Variants in LDLRAD1 observed in about 807,000 individuals in gnomAD.
LDLRAD1 encodes low-density lipoprotein receptor class A domain-containing protein 1.
LDLRAD1 carries 17 observed loss-of-function variants against 24.8 expected under a neutral mutation model. The observed-to-expected ratio is 0.69, with a 90% CI of 0.47 to 1.03. The LOEUF (loss-of-function observed/expected upper bound fraction) is 1.03, where lower values mean the gene tolerates loss of function less well. Ranked by LOEUF, LDLRAD1 falls within the 50% of genes least tolerant of loss-of-function variation. LDLRAD1 has a pLI of 0.00. For missense variants in LDLRAD1, 277 were observed against 271.0 expected (o/e 1.02, Z -0.16); for synonymous variants, 103 against 108.2 (o/e 0.95, Z 0.30).
intron 3 of LDLRAD1, among the ~76,000 whole-genome samples, chr1:54,014,009 G>A (rs969110114): frequency 2.6e-5 from 4 of 152,108 alleles, no homozygotes; most frequent in African/African-American, 9.7e-5. Context: ...GGTGACATCA[G>A]AGCTGGGTCC....
At chr1:54,012,389 G>A in intron 3 of LDLRAD1, 109 bp from the exon 4 acceptor site, 2 of 1,200,224 alleles carry the variant, frequency 1.7e-6, no homozygotes, top group Non-Finnish European at 1.2e-6. Context: ...GGGCAGTGGG[G>A]AGGATGGACC....
At chr1:54,011,230 CAT>C (rs1656036307) in intron 4 of LDLRAD1, among the ~76,000 whole-genome samples, 1 of 152,178 alleles carries the variant, frequency 6.6e-6, no homozygotes, top group Non-Finnish European at 1.5e-5. Flanking sequence ...GCAGCACCAC[CAT>C]CATGGCAGAA....
chr1:54,009,071 A>G lies in LDLRAD1; in HGVS notation c.529T>C (p.Tyr177His). 1.2e-6 allele frequency: 2 copies of G among 1,613,972 alleles called. No homozygotes were observed. The highest frequency in any genetic ancestry group is 1.7e-6 in the Non-Finnish European group (2 of 1,179,960). Residue 177 changes from tyrosine to histidine, a missense_variant, in exon 6 of 6, where the codon TAC becomes CAC. Transcript: ENST00000371360. ...WWRCPSTFFK[Y>H]CDCIPRHLCR... ...AGATGCCTCGGTATACAGTCGCAGT[A>G]CTTGAAGAAGGTTGAAGGACAGCGC...
chr1:54,010,551 G>T, intron 4 of LDLRAD1, 141 bp from the exon 5 acceptor site: 1 of 752,944 alleles, frequency 1.3e-6, no homozygotes, highest in Non-Finnish European at 2.1e-6. Context: ...GCAAGCAGAA[G>T]GTTTCCTGGG....
chr1:54,014,779 T>C (rs1656229656), intron 2 of LDLRAD1, among the ~76,000 whole-genome samples: 1 of 152,190 alleles, frequency 6.6e-6, no homozygotes, highest in Non-Finnish European at 1.5e-5. Flanking sequence ...AAACTAGGGC[T>C]CAGGAAGAAA....
At chr1:54,014,726 C>T (rs1216272776) in intron 2 of LDLRAD1, among the ~76,000 whole-genome samples, 4 of 152,188 alleles carry the variant, frequency 2.6e-5, no homozygotes, top group Admixed American at 1.3e-4. Flanking sequence ...CCTTCATAAG[C>T]GTGCTTTATT....
intron 4 of LDLRAD1, among the ~76,000 whole-genome samples, chr1:54,010,681 A>G (rs1328841881): frequency 6.6e-6 from 1 of 152,076 alleles, no homozygotes; most frequent in Non-Finnish European, 1.5e-5. Flanking sequence ...ACCACTGCTG[A>G]CACTATGCCC....
In LDLRAD1 at chr1:54,009,232, C is replaced by G. The variant is rs1376276498; in HGVS notation, c.470-102G>C. 7 of 1,095,866 alleles carry G rather than the reference C, an allele frequency of 6.4e-6. No individual in the cohort carries two copies. The African/African-American group carries it at 7.8e-5, about 12-fold the overall frequency. The allele number at this position is 1,095,866 out of a possible 1,614,324, so 67.9% of individuals were successfully genotyped here. ...TGAAACCTGCCGTAGCTCCCCATGG[C>G]CCCAACCCATCTGACGTGAGTTGAG... On this transcript the variant is annotated intron_variant, in intron 5 of 5. Transcript: ENST00000371360.
chr1:54,011,999 G>T (rs902639998), intron 4 of LDLRAD1, 144 bp downstream of exon 4: 22 of 917,468 alleles, frequency 2.4e-5, no homozygotes, highest in Non-Finnish European at 3.5e-5. Context: ...ACTGGGACCA[G>T]GTCGGGGCAG....
intron 2 of LDLRAD1, among the ~76,000 whole-genome samples, chr1:54,015,560 C>T (rs1028571107): frequency 6.6e-6 from 1 of 152,142 alleles, no homozygotes; most frequent in Non-Finnish European, 1.5e-5. Flanking sequence ...CCACAGGTAC[C>T]TCAGAGAAAG....
At chr1:54,009,227 C>T (rs1392797272) in intron 5 of LDLRAD1, 97 bp from the exon 6 acceptor site, 2 of 1,180,750 alleles carry the variant, frequency 1.7e-6, no homozygotes, top group African/African-American at 1.5e-5. Flanking sequence ...CGTAGCTCCC[C>T]ATGGCCCCAA....
At position 54,009,073 on chromosome 1, in the gene LDLRAD1, T is replaced by C. The variant is rs780035689; in HGVS notation, c.527A>G (p.Lys176Arg). 3 of 1,613,846 alleles carry C rather than the reference T, an allele frequency of 1.9e-6. No homozygotes were observed. In the East Asian group the frequency reaches 6.7e-5, roughly 36 times the overall value. ...GWWRCPSTFF[K>R]YCDCIPRHLC... is the part of the protein sequence containing the mutation. ...ATGCCTCGGTATACAGTCGCAGTAC[T>C]TGAAGAAGGTTGAAGGACAGCGCCA... The change falls in exon 6 of 6, where the codon AAG (lysine) becomes AGG (arginine). Residue 176 changes from lysine (K) to arginine (R), a missense_variant. Physicochemically the swap from Lys to Arg is conservative, Grantham distance 26 (BLOSUM62 2). Transcript: ENST00000371360.
At chr1:54,009,177 C>A (rs78287098) in intron 5 of LDLRAD1, 47 bp from the exon 6 acceptor site, 3 of 1,593,784 alleles carry the variant, frequency 1.9e-6, no homozygotes, top group South Asian at 2.2e-5. Flanking sequence ...TGTCCTGGAA[C>A]GCTCTGTGCA....
intron 4 of LDLRAD1, 93 bp downstream of exon 4, chr1:54,012,050 G>C: frequency 6.8e-7 from 1 of 1,463,074 alleles, no homozygotes; most frequent in Middle Eastern, 2.4e-4. Flanking sequence ...AAGCCATGGG[G>C]ACTTGAAGGT....
intron 5 of LDLRAD1, 45 bp from the exon 6 acceptor site, chr1:54,009,175 A>T (rs770998256): frequency 5.0e-6 from 8 of 1,595,804 alleles, no homozygotes; most frequent in African/African-American, 1.3e-5. Flanking sequence ...TGTGTCCTGG[A>T]ACGCTCTGTG....
At position 54,008,145 on chromosome 1, in the gene LDLRAD1, C is replaced by T. The variant is rs1655891575; in HGVS notation, c.*837G>A. On this transcript the variant is annotated 3_prime_UTR_variant, in exon 6 of 6. Coordinates refer to ENST00000371360, the MANE Select transcript of LDLRAD1 (RefSeq NM_001010978.4). Reference sequence around the variant, plus strand: ...GACTGGTGAGGAGCCCTTCAAGCTGCTCTTTCTCCAGATCTTCTATTCTAC... The same window carrying T: ...GACTGGTGAGGAGCCCTTCAAGCTGTTCTTTCTCCAGATCTTCTATTCTAC... The T allele has an allele frequency of 1.3e-5, 2 of 152,218 alleles. No homozygotes were observed. The highest frequency in any genetic ancestry group is 1.3e-4 in the Admixed American group (2 of 15,262). The allele number at this position is 152,218 out of a possible 1,614,324, so 9.4% of individuals were successfully genotyped here.
rs555763147 is a variant in LDLRAD1 at position 54,008,169 on chromosome 1, A to C, written c.*813T>G. ...GCTCTTTCTCCAGATCTTCTATTCTACAGCTCAGAGCTTCCTGGGGTGGCT... is the reference window on the plus strand; with the variant it reads ...GCTCTTTCTCCAGATCTTCTATTCTCCAGCTCAGAGCTTCCTGGGGTGGCT... On this transcript the variant is annotated 3_prime_UTR_variant, in exon 6 of 6. Transcript: ENST00000371360. The C allele has an allele frequency of 4.6e-5, 7 of 152,352 alleles. No homozygotes were observed. In the East Asian group the frequency reaches 1.4e-3, roughly 29 times the overall value. The allele number at this position is 152,352 out of a possible 1,614,324, so 9.4% of individuals were successfully genotyped here.
chr1:54,009,398 G>A (rs569844931), intron 5 of LDLRAD1, among the ~76,000 whole-genome samples: 95 of 152,202 alleles, frequency 6.2e-4, no homozygotes, highest in African/African-American at 2.2e-3. Context: ...AAAGTCCCAG[G>A]CACACGGTAA....
intron 1 of LDLRAD1, 104 bp downstream of exon 1, chr1:54,017,988 A>C: frequency 9.4e-7 from 1 of 1,063,576 alleles, no homozygotes; most frequent in South Asian, 1.3e-5. Context: ...GACAGCTCTT[A>C]CTTGGAGACA....
Sources: allele counts gnomAD v4.1 joint callset (sites outside exome capture counted in the v4.1 genomes callset), GRCh38; gene constraint gnomAD v4.1.1; transcripts MANE v1.5; gene names NCBI Gene and HGNC (gene_info 2026-07-23, HGNC 2026-07-21).